Variants in TXK observed in about 807,000 individuals in gnomAD.
TXK encodes the protein TXK tyrosine kinase.
A neutral mutation model predicts 81.0 loss-of-function variants in TXK; 60 were observed. The observed-to-expected ratio is 0.74, with a 90% confidence interval of 0.60 to 0.92. The LOEUF (loss-of-function observed/expected upper bound fraction) is 0.92, where lower values mean the gene tolerates loss of function less well. Ranked by LOEUF, TXK falls within the 40% of genes least tolerant of loss-of-function variation. The pLI is 0.00. For synonymous variants in TXK, 203 were observed against 210.7 expected, an observed-to-expected ratio of 0.96 and a Z score of 0.32; for missense variants, 581 against 638.3, an observed-to-expected ratio of 0.91 and a Z score of 0.97.
intron 6 of TXK, among the ~76,000 whole-genome samples, chr4:48,096,233 T>C (rs1187685805): frequency 6.6e-6 from 1 of 152,246 alleles, no homozygotes; most frequent in African/African-American, 2.4e-5. Context: ...TTTACTATAT[T>C]CCTACAATGT....
chr4:48,068,684 C>G (rs1356249210), intron 14 of TXK, among the ~76,000 whole-genome samples: 1 of 152,182 alleles, frequency 6.6e-6, no homozygotes, highest in Non-Finnish European at 1.5e-5. Context: ...TGGTTTAGCT[C>G]TGATTCCAAG....
In TXK at chr4:48,084,737, T is replaced by C. The variant is rs181145784; in HGVS notation, c.956+1729A>G. On this transcript the variant is annotated intron_variant, in intron 10 of 14. Transcript: ENST00000264316. ...ACAACTTCCCTTGGAATTCGTTCTATTGTAAGTGAATGGAAAGGATATTTT... is the reference window on the plus strand; with the variant it reads ...ACAACTTCCCTTGGAATTCGTTCTACTGTAAGTGAATGGAAAGGATATTTT... Among the ~76,000 whole-genome samples the C allele has an allele frequency of 2.8e-3, 422 of 152,294 alleles. 4 individuals carry two copies. Among genetic ancestry groups the C allele is most frequent in the African/African-American group, 9.8e-3 (407 of 41,556 alleles).
chr4:48,127,183 T>C (rs1719110844), intron 1 of TXK, among the ~76,000 whole-genome samples: 1 of 152,180 alleles, frequency 6.6e-6, no homozygotes, highest in Admixed American at 6.5e-5. Context: ...CAATAAATAA[T>C]CATTGCGAGA....
intron 11 of TXK, among the ~76,000 whole-genome samples, chr4:48,078,958 G>C (rs776093316): frequency 1.1e-4 from 17 of 152,176 alleles, no homozygotes; most frequent in Non-Finnish European, 2.2e-4. Flanking sequence ...AGAGAAGGAA[G>C]AAGGGAGAAT....
chr4:48,107,457 T>C (rs1335741205), intron 5 of TXK, among the ~76,000 whole-genome samples: 3 of 149,856 alleles, frequency 2.0e-5, no homozygotes, highest in African/African-American at 7.4e-5. Context: ...CAACCCAACA[T>C]CCCCCATCTG....
intron 8 of TXK, among the ~76,000 whole-genome samples, chr4:48,091,329 A>G (rs1003259940): frequency 1.3e-5 from 2 of 152,186 alleles, no homozygotes; most frequent in African/African-American, 2.4e-5. Flanking sequence ...GATGGTGGGT[A>G]CTTGAGCAAA....
intron 14 of TXK, among the ~76,000 whole-genome samples, chr4:48,068,166 C>T (rs1006289273): frequency 6.6e-6 from 1 of 152,174 alleles, no homozygotes. Context: ...TTTTCAAGAA[C>T]CCAATAGCCA....
chr4:48,097,422 C>CT (rs4031383), intron 6 of TXK, among the ~76,000 whole-genome samples: 12,261 of 141,734 alleles, frequency 0.087, 1,789 homozygotes, highest in African/African-American at 0.29. Flanking sequence ...AAAGCTACCA[C>CT]TTTTTTTTTT....
In TXK at chr4:48,114,362, A is replaced by C; in HGVS notation, c.57T>G (p.Cys19Trp). 1.2e-6 allele frequency: 2 copies of C among 1,614,130 alleles called. No homozygotes were observed. The highest frequency in any genetic ancestry group is 1.7e-6 in the Non-Finnish European group (2 of 1,179,994). Residue 19 changes from cysteine to tryptophan, a missense_variant, in exon 2 of 15, where the codon TGT becomes TGG. Cys to Trp is a radical substitution (Grantham distance 215, BLOSUM62 -2). Coordinates refer to ENST00000264316, the MANE Select transcript of TXK (RefSeq NM_003328.3). ...AGTAGACTTACCGCTTCTGCACTGA[A>C]CAGCAACAGCAGCAACAGAAAACCG... The part of the protein sequence containing the change: ...IQSVFCCCCC[C>W]SVQKRQMRTQ...
chr4:48,071,405 C>A, intron 14 of TXK, 112 bp downstream of exon 14: 1 of 1,065,988 alleles, frequency 9.4e-7, no homozygotes, highest in Admixed American at 2.3e-5. Context: ...ATGACCAAGA[C>A]ACAGATGCCT....
Position 48,094,080 on chromosome 4 carries a change from C to A in TXK, c.706G>T (p.Ala236Ser). The change falls in exon 8 of 15, where the codon GCC becomes TCC. Residue 236 changes from alanine (A) to serine (S), a missense_variant. Physicochemically the swap from Ala to Ser is moderately conservative, Grantham distance 99. Transcript: ENST00000264316. ...CAGCTGGAAGTTCCCCTCTTACCGG[C>A]TGCATTGTGCTGGTGATACCAGATT... ...ELIWYHQHNAAGLMTRLRYPV... is the reference protein window; with the variant it reads ...ELIWYHQHNASGLMTRLRYPV... 1 of 1,613,374 alleles carries A rather than the reference C, an allele frequency of 6.2e-7. No individual in the cohort carries two copies. Among genetic ancestry groups the A allele is most frequent in the Non-Finnish European group, 8.5e-7 (1 of 1,180,040 alleles).
chr4:48,099,066 T>C (rs971944763), intron 6 of TXK, among the ~76,000 whole-genome samples: 1 of 152,154 alleles, frequency 6.6e-6, no homozygotes, highest in African/African-American at 2.4e-5. Flanking sequence ...AAGTACTATA[T>C]TAAAATTATA....
chr4:48,082,765 A>T (rs1038889790), intron 10 of TXK, among the ~76,000 whole-genome samples: 1 of 152,180 alleles, frequency 6.6e-6, no homozygotes, highest in African/African-American at 2.4e-5. Context: ...GCAGATGAGG[A>T]GATGAATAGA....
chr4:48,114,695 T>C lies in TXK; in HGVS notation c.17-293A>G, dbSNP rs1718745477. On this transcript the variant is annotated intron_variant, in intron 1 of 14. Coordinates refer to ENST00000264316, the MANE Select transcript of TXK (RefSeq NM_003328.3). ...TCTCTTTTACCTTTGTCAGGGCTAA[T>C]GTTCGCTAACAAATATACAAGAGAA... is the stretch of plus-strand genomic sequence containing the variant. 4 of 357,646 alleles carry C rather than the reference T, an allele frequency of 1.1e-5. No homozygotes were observed. The South Asian group carries it at 2.0e-4, about 18-fold the overall frequency. 22.2% of individuals were successfully genotyped at this position (357,646 alleles called of 1,614,324 possible). A position where few individuals can be genotyped will look rare whatever the true frequency, so the allele number is the denominator to read the frequency against.
At chr4:48,068,467 C>T (rs909002120) in intron 14 of TXK, among the ~76,000 whole-genome samples, 1 of 152,158 alleles carries the variant, frequency 6.6e-6, no homozygotes, top group Non-Finnish European at 1.5e-5. Context: ...TCTCAGTCAA[C>T]AGAAAAATAA....
chr4:48,094,302 C>G, intron 7 of TXK, 98 bp from the exon 8 acceptor site: 2 of 1,331,072 alleles, frequency 1.5e-6, no homozygotes, highest in East Asian at 4.7e-5. Flanking sequence ...AAAACTCATC[C>G]TAGCAACACT....
rs1307834849 is a variant in TXK at position 48,089,752 on chromosome 4, T to C, written c.782A>G (p.Tyr261Cys). The C allele has an allele frequency of 2.5e-6, 4 of 1,612,762 alleles. No homozygotes were observed. The highest frequency in any genetic ancestry group is 2.2e-5 in the East Asian group (1 of 44,844). ...TTCAGCATGTGTGCACACTTTACCG[T>C]AGCTAAACCCAGCTGTGGCTGGTAA... ...SCLPATAGFS[Y>C]EKWEIDPSEL... Residue 261 changes from tyrosine to cysteine, a missense_variant and splice_region_variant, in exon 9 of 15, where the codon TAC (tyrosine) becomes TGC (cysteine). Transcript: ENST00000264316.
At chr4:48,106,125 G>A (rs1718450837) in intron 5 of TXK, 1 of 152,148 alleles carries the variant, frequency 6.6e-6, no homozygotes, top group Non-Finnish European at 1.5e-5. Flanking sequence ...TCCTTGCACA[G>A]GGAACATGCT....
chr4:48,075,894 T>C (rs904960246), intron 12 of TXK, among the ~76,000 whole-genome samples: 1 of 152,142 alleles, frequency 6.6e-6, no homozygotes, highest in African/African-American at 2.4e-5. Context: ...CCTGTGATTA[T>C]ATTTCTAGCA....
Sources: gnomAD v4.1 joint callset for allele counts (sites outside exome capture counted in the v4.1 genomes callset) on GRCh38, gnomAD v4.1.1 for gene constraint, MANE v1.5 for transcripts, NCBI Gene and HGNC (gene_info 2026-07-23, HGNC 2026-07-21) for gene names.